The following VAMP7 variants were observed in gnomAD, a reference collection of about 807,000 sequenced individuals.
VAMP7 encodes the protein vesicle associated membrane protein 7.
In VAMP7, 14 loss-of-function variants were observed where a neutral mutation model predicts 29.6. The observed-to-expected ratio is 0.47, with a 90% CI of 0.31 to 0.74. The LOEUF (loss-of-function observed/expected upper bound fraction) is 0.74, where lower values mean the gene tolerates loss of function less well. Ranked by LOEUF, VAMP7 falls within the 30% of genes least tolerant of loss-of-function variation. The probability of loss-of-function intolerance (pLI) is 0.05; values close to 1 mark genes in which losing one functional copy is unlikely to be tolerated. For missense variants in VAMP7, 223 were observed against 262.4 expected (o/e 0.85, Z 1.04); for synonymous variants, 95 against 88.1 (o/e 1.08, Z -0.44).
chrX:155,886,009 C>T (rs1239072489), intron 1 of VAMP7, among the ~76,000 whole-genome samples: 2 of 152,048 alleles, frequency 1.3e-5, no homozygotes, highest in Non-Finnish European at 2.9e-5. Flanking sequence ...GGCTGTGGGA[C>T]CAAGTGGGGA....
At chrX:155,939,130 T>C (rs1287405869) in intron 6 of VAMP7, among the ~76,000 whole-genome samples, 1 of 152,062 alleles carries the variant, frequency 6.6e-6, no homozygotes, top group Admixed American at 6.5e-5. Flanking sequence ...TAGGGAGTTT[T>C]GTTGGTTGGT....
intron 6 of VAMP7, among the ~76,000 whole-genome samples, chrX:155,925,217 C>T (rs1191808507): frequency 2.6e-5 from 4 of 152,090 alleles, no homozygotes; most frequent in Non-Finnish European, 5.9e-5. Flanking sequence ...TGACTTCCTC[C>T]CACGAATCAT....
chrX:155,900,477 TA>T lies in VAMP7; in HGVS notation c.343-16del. 6.3e-7 allele frequency: 1 copy of T among 1,583,320 alleles called. No homozygotes were observed. Among genetic ancestry groups the T allele is most frequent in the Non-Finnish European group, 8.6e-7 (1 of 1,162,558 alleles). On this transcript the variant is annotated intron_variant, in intron 4 of 7. Coordinates refer to ENST00000286448, the MANE Select transcript of VAMP7 (RefSeq NM_005638.6). ...TAAATAATGTCTAGGTACCATAAGT[TA>T]AAACTTATTTTCTTATAGAAGCATC...
chrX:155,928,776 T>C (rs759036312), intron 6 of VAMP7, among the ~76,000 whole-genome samples: 1 of 152,310 alleles, frequency 6.6e-6, no homozygotes, highest in South Asian at 2.1e-4. Context: ...TCTTTATAGG[T>C]GAACTTGTTT....
chrX:155,942,213 G>A lies in VAMP7; in HGVS notation c.*262G>A. The A allele has an allele frequency of 6.6e-7, 1 of 1,504,586 alleles. No homozygotes were observed. Among genetic ancestry groups the A allele is most frequent in the Non-Finnish European group, 8.9e-7 (1 of 1,124,002 alleles). The allele number at this position is 1,504,586 out of a possible 1,614,324, so 93.2% of individuals were successfully genotyped here. A position where few individuals can be genotyped will look rare whatever the true frequency, so the allele number is the denominator to read the frequency against. The stretch of plus-strand genomic sequence containing the variant: ...GTTTATTTCTTTGGTTTGTTAACTA[G>A]TGTCATCTATTTAGAGAAACATTTT... On this transcript the variant is annotated 3_prime_UTR_variant, in exon 8 of 8. Coordinates refer to ENST00000286448, the MANE Select transcript of VAMP7 (RefSeq NM_005638.6).
At chrX:155,904,672 TG>T (rs1406976448) in intron 5 of VAMP7, among the ~76,000 whole-genome samples, 1 of 152,032 alleles carries the variant, frequency 6.6e-6, no homozygotes, top group Non-Finnish European at 1.5e-5. Context: ...TTCGTATAAA[TG>T]GAATCTTGTA....
At position 155,937,766 on chromosome X, in the gene VAMP7, T is replaced by A. The variant is rs762768696; in HGVS notation, c.502-1935T>A. 3.3e-5 allele frequency among the ~76,000 whole-genome samples: 5 copies of A among 152,244 alleles called. No homozygotes were observed. The South Asian group carries it at 1.0e-3, about 32-fold the overall frequency. The stretch of plus-strand genomic sequence containing the variant: ...ATTGATCCTTCTCTTTTGGCTGTAT[T>A]CTCTCCTGTGACTGCTAATAGGTGT... On this transcript the variant is annotated intron_variant, in intron 6 of 7. Coordinates refer to ENST00000286448, the MANE Select transcript of VAMP7 (RefSeq NM_005638.6).
At chrX:155,899,631 G>A (rs1446395493) in intron 4 of VAMP7, among the ~76,000 whole-genome samples, 1 of 151,718 alleles carries the variant, frequency 6.6e-6, no homozygotes, top group East Asian at 1.9e-4. Context: ...TCAAGCAGTT[G>A]GTTTGTTTCA....
chrX:155,929,124 A>G (rs2066511491), intron 6 of VAMP7, among the ~76,000 whole-genome samples: 1 of 152,202 alleles, frequency 6.6e-6, no homozygotes, highest in Admixed American at 6.5e-5. Flanking sequence ...ATATTGCTGC[A>G]TTTCAGTGCA....
intron 5 of VAMP7, among the ~76,000 whole-genome samples, chrX:155,909,607 G>C (rs773292997): frequency 6.6e-6 from 1 of 152,068 alleles, no homozygotes; most frequent in East Asian, 1.9e-4. Flanking sequence ...CTTAGCTCAG[G>C]CTGCCATAAC....
At chrX:155,933,248 C>T (rs899843249) in intron 6 of VAMP7, among the ~76,000 whole-genome samples, 3 of 152,160 alleles carry the variant, frequency 2.0e-5, no homozygotes, top group African/African-American at 7.2e-5. Context: ...CCCTCATTTT[C>T]TATTGATAGG....
chrX:155,889,361 C>T, intron 1 of VAMP7, 97 bp from the exon 2 acceptor site: 1 of 1,475,436 alleles, frequency 6.8e-7, no homozygotes, highest in Non-Finnish European at 9.1e-7. Flanking sequence ...TCGTTAGATA[C>T]TATCTCCAGG....
intron 6 of VAMP7, among the ~76,000 whole-genome samples, chrX:155,922,575 CCTT>C (rs2066411557): frequency 6.6e-6 from 1 of 151,956 alleles, no homozygotes; most frequent in Non-Finnish European, 1.5e-5. Context: ...GACTTACTAC[CCTT>C]CTTATATAAC....
At chrX:155,909,510 G>A (rs141107913) in intron 5 of VAMP7, among the ~76,000 whole-genome samples, 1,707 of 151,950 alleles carry the variant, frequency 0.011, 18 homozygotes, top group Non-Finnish European at 0.019. Flanking sequence ...CCTTCCCACT[G>A]CTAGCTTTAG....
chrX:155,913,301 A>T (rs1014345232), intron 5 of VAMP7, among the ~76,000 whole-genome samples: 3 of 151,632 alleles, frequency 2.0e-5, no homozygotes, highest in Non-Finnish European at 1.5e-5. Flanking sequence ...GATTGCAAAA[A>T]TTTTTTCCCA....
rs139383070 is a variant in VAMP7 at position 155,888,682 on chromosome X, C to G, written c.-9-776C>G. On this transcript the variant is annotated intron_variant, in intron 1 of 7. Transcript: ENST00000286448. ...TAGTAATGTTTTGTTTATGAAGGGTCTTACCATTCCTTTCTTGTGGAAGCT... is the reference window on the plus strand; with the variant it reads ...TAGTAATGTTTTGTTTATGAAGGGTGTTACCATTCCTTTCTTGTGGAAGCT... Among the ~76,000 whole-genome samples the G allele has an allele frequency of 1.2e-3, 185 of 152,250 alleles. 1 individual carries two copies. Among genetic ancestry groups the G allele is most frequent in the African/African-American group, 4.4e-3 (184 of 41,548 alleles).
intron 5 of VAMP7, among the ~76,000 whole-genome samples, chrX:155,905,036 A>G (rs1205598865): frequency 2.6e-5 from 4 of 151,740 alleles, no homozygotes; most frequent in African/African-American, 9.7e-5. Context: ...ACCTTTATAC[A>G]TTCCTAATAG....
chrX:155,935,730 T>C (rs1011033117), intron 6 of VAMP7, among the ~76,000 whole-genome samples: 1 of 152,208 alleles, frequency 6.6e-6, no homozygotes, highest in Admixed American at 6.5e-5. Flanking sequence ...CTACCTTTGT[T>C]CTGTTGCTGG....
chrX:155,902,941 A>G (rs1398583647), intron 5 of VAMP7, among the ~76,000 whole-genome samples: 1 of 151,704 alleles, frequency 6.6e-6, no homozygotes, highest in Admixed American at 6.6e-5. Context: ...TTCAGAAGGA[A>G]TGGTACCAGT....
Sources: gnomAD v4.1 joint callset for allele counts (sites outside exome capture counted in the v4.1 genomes callset) on GRCh38, gnomAD v4.1.1 for gene constraint, MANE v1.5 for transcripts, NCBI Gene and HGNC (gene_info 2026-07-23, HGNC 2026-07-21) for gene names.